Variants in DMD observed in about 807,000 individuals in gnomAD.
The protein encoded by DMD is dystrophin.
In DMD, 63 loss-of-function variants were observed where a neutral mutation model predicts 330.1. That is an observed-to-expected ratio of 0.19 (90% confidence interval 0.16 to 0.24). DMD has a LOEUF of 0.24. Among genes scored for constraint, DMD ranks in the 10% least tolerant of loss-of-function variants. DMD has a pLI of 1.00. For synonymous variants in DMD, 1,223 were observed against 959.8 expected (o/e 1.27, Z -5.07); for missense variants, 3,344 against 2,684.1 (o/e 1.25, Z -5.43).
intron 55 of DMD, among the ~76,000 whole-genome samples, chrX:31,554,948 T>C (rs1372293548): frequency 2.7e-5 from 3 of 111,813 alleles, no homozygotes; most frequent in South Asian, 3.7e-4. Flanking sequence ...TGAAAAGGGA[T>C]TATTAACTAG....
At chrX:33,041,899 A>AC (rs1304936126) in intron 1 of DMD, among the ~76,000 whole-genome samples, 1 of 109,670 alleles carries the variant, frequency 9.1e-6, no homozygotes, top group African/African-American at 3.3e-5. Context: ...TCTAAAAAAA[A>AC]AATCCATACG....
At chrX:32,602,401 T>C (rs1179687961) in intron 12 of DMD, among the ~76,000 whole-genome samples, 5 of 111,954 alleles carry the variant, frequency 4.5e-5, no homozygotes, top group Non-Finnish European at 9.4e-5. Context: ...AAAATGCCTT[T>C]ACTGAAAATA....
intron 13 of DMD, among the ~76,000 whole-genome samples, chrX:32,575,889 C>T (rs2052989866): frequency 8.9e-6 from 1 of 111,829 alleles, no homozygotes; most frequent in Non-Finnish European, 1.9e-5. Flanking sequence ...AAAAGACTTT[C>T]AAGTATATAT....
intron 34 of DMD, among the ~76,000 whole-genome samples, chrX:32,380,095 C>T (rs777630649): frequency 9.0e-6 from 1 of 111,142 alleles, no homozygotes; most frequent in Non-Finnish European, 1.9e-5. Context: ...TTCTGAAATG[C>T]GACTTTGGCA....
rs2036699076 is a variant in DMD, at chrX:31,146,383, G to A, written c.10829C>T (p.Thr3610Met). 2 of 1,210,317 alleles carry A rather than the reference G, an allele frequency of 1.7e-6. No homozygotes were observed. Among genetic ancestry groups the A allele is most frequent in the Non-Finnish European group, 1.1e-6 (1 of 894,353 alleles). ...PQAEAKVNGT[T>M]VSSPSTSLQR... ...TAGAGAGGTAGAAGGAGAGGACACC[G>A]TTGTGCCATTCACTTTGGCCTCTGC... The change falls in exon 76 of 79, where the codon ACG becomes ATG. Residue 3610 changes from threonine to methionine, a missense_variant. Transcript: ENST00000357033.
intron 7 of DMD, among the ~76,000 whole-genome samples, chrX:32,807,785 T>C (rs2077066706): frequency 1.8e-5 from 2 of 111,834 alleles, no homozygotes; most frequent in African/African-American, 6.5e-5. Context: ...TCCTATTCTG[T>C]AAGTTCAAAG....
chrX:31,296,841 C>T (rs998212260), intron 62 of DMD, among the ~76,000 whole-genome samples: 7 of 111,771 alleles, frequency 6.3e-5, no homozygotes, highest in Non-Finnish European at 1.1e-4. Flanking sequence ...TTATATTCTA[C>T]ACCATGGATT....
At chrX:33,031,715 G>A (rs909833113) in intron 1 of DMD, among the ~76,000 whole-genome samples, 1 of 110,911 alleles carries the variant, frequency 9.0e-6, no homozygotes, top group African/African-American at 3.3e-5. Flanking sequence ...AGGTTGCAGT[G>A]AGCCAAGATC....
intron 60 of DMD, among the ~76,000 whole-genome samples, chrX:31,401,078 T>C (rs1464575504): frequency 8.9e-6 from 1 of 111,815 alleles, no homozygotes; most frequent in East Asian, 2.8e-4. Flanking sequence ...ACAGGGATTT[T>C]ATAGGGTCGA....
At chrX:32,283,272 G>T (rs752931674) in intron 43 of DMD, among the ~76,000 whole-genome samples, 1 of 111,936 alleles carries the variant, frequency 8.9e-6, no homozygotes, top group African/African-American at 3.2e-5. Context: ...AGAAATGCCT[G>T]TTGTTTTCAG....
intron 2 of DMD, among the ~76,000 whole-genome samples, chrX:32,855,233 A>G (rs897442563): frequency 1.8e-5 from 2 of 112,281 alleles, no homozygotes; most frequent in African/African-American, 6.5e-5. Flanking sequence ...GAATGGGGAA[A>G]AACTACAAGA....
At chrX:32,482,810 A>G (rs1266764778) in intron 21 of DMD, among the ~76,000 whole-genome samples, 1 of 110,198 alleles carries the variant, frequency 9.1e-6, no homozygotes, top group African/African-American at 3.3e-5. Flanking sequence ...TTTTTATATT[A>G]TTTTCTTCTA....
chrX:31,742,408 T>C (rs947285293), intron 51 of DMD, among the ~76,000 whole-genome samples: 1 of 112,152 alleles, frequency 8.9e-6, no homozygotes, highest in African/African-American at 3.2e-5. Context: ...CTCTTTTTTT[T>C]CCCATGAACA....
intron 9 of DMD, among the ~76,000 whole-genome samples, chrX:32,653,123 A>T (rs1164530667): frequency 8.9e-6 from 1 of 111,827 alleles, no homozygotes; most frequent in East Asian, 2.8e-4. Context: ...GTTCACTATG[A>T]TGGTAGTTTC....
chrX:32,312,963 A>AAAAAAAAAAAAAC (rs2097569517), intron 41 of DMD, among the ~76,000 whole-genome samples: 1 of 97,090 alleles, frequency 1.0e-5, no homozygotes, highest in Non-Finnish European at 2.1e-5. Context: ...AAAAAAAAAA[A>AAAAAAAAAAAAAC]AGCCCAGGAC....
intron 44 of DMD, among the ~76,000 whole-genome samples, chrX:32,138,330 C>G (rs1028190354): frequency 9.0e-6 from 1 of 111,121 alleles, no homozygotes. Context: ...GAATCAATAA[C>G]TACATTGAAA....
chrX:31,811,450 T>C (rs2092454075), intron 50 of DMD, among the ~76,000 whole-genome samples: 1 of 112,372 alleles, frequency 8.9e-6, no homozygotes, highest in Admixed American at 9.4e-5. Context: ...CATCTCATTA[T>C]ATTTCAAGCA....
chrX:32,591,634 G>A (rs2054919419), intron 13 of DMD, among the ~76,000 whole-genome samples: 1 of 112,420 alleles, frequency 8.9e-6, no homozygotes, highest in Non-Finnish European at 1.9e-5. Context: ...CTGCAAAGAT[G>A]CCAGCTGCAG....
chrX:31,697,202 A>C (rs963512430), intron 52 of DMD, among the ~76,000 whole-genome samples: 2 of 111,641 alleles, frequency 1.8e-5, no homozygotes, highest in African/African-American at 6.5e-5. Context: ...ACAGATCAAA[A>C]ACATATTATG....
Sources: gnomAD v4.1 joint callset for allele counts (sites outside exome capture counted in the v4.1 genomes callset) on GRCh38, gnomAD v4.1.1 for gene constraint, MANE v1.5 for transcripts, NCBI Gene and HGNC (gene_info 2026-07-23, HGNC 2026-07-21) for gene names.